Variants in LUZP2 observed in about 807,000 individuals in gnomAD.
LUZP2 encodes the protein leucine zipper protein 2.
In LUZP2, 52 loss-of-function variants were observed where a neutral mutation model predicts 51.6. The ratio of observed to expected loss-of-function variants is 1.01; its 90% CI spans 0.81 to 1.27. LUZP2 has a LOEUF of 1.27. Among genes scored for constraint, LUZP2 ranks in the 50% most tolerant of loss-of-function variants. The pLI is 0.00. For synonymous variants in LUZP2, 154 were observed against 137.3 expected (o/e 1.12, Z -0.85); for missense variants, 436 against 395.4 (o/e 1.10, Z -0.87).
intron 7 of LUZP2, among the ~76,000 whole-genome samples, chr11:24,942,346 G>A (rs1411654086): frequency 6.6e-6 from 1 of 152,092 alleles, no homozygotes; most frequent in Non-Finnish European, 1.5e-5. Flanking sequence ...AAATCCACAT[G>A]TCCTGCTTTC....
At chr11:25,042,360 A>T (rs2134008266) in intron 9 of LUZP2, among the ~76,000 whole-genome samples, 1 of 152,296 alleles carries the variant, frequency 6.6e-6, no homozygotes, top group Non-Finnish European at 1.5e-5. Context: ...AACGTTTAAC[A>T]TGAATTTTGA....
At chr11:24,695,995 C>T (rs564721487) in intron 1 of LUZP2, among the ~76,000 whole-genome samples, 2 of 151,912 alleles carry the variant, frequency 1.3e-5, no homozygotes, top group East Asian at 1.9e-4. Context: ...TACTTGGGAT[C>T]GGTATATGTG....
At chr11:25,030,986 C>CTATATAATATATAT (rs1857659417) in intron 9 of LUZP2, among the ~76,000 whole-genome samples, 2 of 9,290 alleles carry the variant, frequency 2.2e-4, no homozygotes, top group Non-Finnish European at 2.9e-4. Context: ...ATATATAATA[C>CTATATAATATATAT]AATATATATT....
At chr11:24,785,294 A>G (rs766930789) in intron 5 of LUZP2, among the ~76,000 whole-genome samples, 1 of 152,046 alleles carries the variant, frequency 6.6e-6, no homozygotes, top group Non-Finnish European at 1.5e-5. Flanking sequence ...TAAGTTCTTC[A>G]GAGGAAAAAG....
At chr11:24,964,072 A>G (rs1218003233) in intron 7 of LUZP2, among the ~76,000 whole-genome samples, 2 of 152,206 alleles carry the variant, frequency 1.3e-5, no homozygotes, top group Admixed American at 1.3e-4. Context: ...CAGTGTTTTG[A>G]GAAACCTCCA....
At chr11:24,583,459 G>A (rs1852945937) in intron 1 of LUZP2, among the ~76,000 whole-genome samples, 2 of 152,030 alleles carry the variant, frequency 1.3e-5, no homozygotes, top group Admixed American at 1.3e-4. Flanking sequence ...TCGCTGGGTT[G>A]TGTGAGGAAA....
At chr11:24,960,972 A>G (rs1002382860) in intron 7 of LUZP2, among the ~76,000 whole-genome samples, 1 of 152,034 alleles carries the variant, frequency 6.6e-6, no homozygotes, top group African/African-American at 2.4e-5. Context: ...GTTTCAAAGA[A>G]CATCTTTATT....
At chr11:24,860,295 C>T (rs958114637) in intron 5 of LUZP2, among the ~76,000 whole-genome samples, 1 of 152,168 alleles carries the variant, frequency 6.6e-6, no homozygotes, top group African/African-American at 2.4e-5. Context: ...AATCTGATCT[C>T]CCTGAGTCTG....
intron 1 of LUZP2, among the ~76,000 whole-genome samples, chr11:24,628,455 A>T (rs185641497): frequency 2.6e-5 from 4 of 152,172 alleles, no homozygotes; most frequent in Non-Finnish European, 4.4e-5. Flanking sequence ...AATCCTTAAG[A>T]TGCTTTTTTT....
chr11:24,764,849 A>G lies in LUZP2; in HGVS notation c.396+1541A>G, dbSNP rs571652670. Among the ~76,000 whole-genome samples, 18 of 152,202 alleles carry G rather than the reference A, an allele frequency of 1.2e-4. No individual in the cohort carries two copies. The East Asian group carries it at 2.5e-3, about 21-fold the overall frequency. ...TACCAAATAAATAAATAAACGCAAAACTATGAATTATTAATAACAAGTAAC... is the reference window on the plus strand; with the variant it reads ...TACCAAATAAATAAATAAACGCAAAGCTATGAATTATTAATAACAAGTAAC... On this transcript the variant is annotated intron_variant, in intron 5 of 11. Transcript: ENST00000336930.
chr11:24,797,636 A>G (rs1445629770), intron 5 of LUZP2, among the ~76,000 whole-genome samples: 1 of 152,172 alleles, frequency 6.6e-6, no homozygotes, highest in Non-Finnish European at 1.5e-5. Context: ...ATGCTACTGT[A>G]GTAGAAATGC....
In LUZP2 at chr11:24,926,256, T is replaced by TGTGTGTATATATGTAC. The variant is rs1565118616; in HGVS notation, c.522+11730_522+11731insGTACGTGTGTATATAT. Among the ~76,000 whole-genome samples the TGTGTGTATATATGTAC allele has an allele frequency of 4.4e-4, 62 of 139,800 alleles. 3 individuals carry two copies. Among genetic ancestry groups the TGTGTGTATATATGTAC allele is most frequent in the Non-Finnish European group, 6.8e-4 (44 of 65,096 alleles). The allele number at this position is 139,800 out of a possible 152,430, so 91.7% of individuals were successfully genotyped here. A position where few individuals can be genotyped will look rare whatever the true frequency, so the allele number is the denominator to read the frequency against. ...ATATATGTGTGTGTATATATATACG[T>TGTGTGTATATATGTAC]GTGTGTATATATATACGTGTATATA... On this transcript the variant is annotated intron_variant, in intron 7 of 11. Transcript: ENST00000336930.
chr11:25,073,259 CT>C, intron 10 of LUZP2, among the ~76,000 whole-genome samples: 1 of 152,268 alleles, frequency 6.6e-6, no homozygotes, highest in South Asian at 2.1e-4. Context: ...GCCTAGACAG[CT>C]GTAGTTCAGG....
At chr11:24,668,048 G>A (rs760901096) in intron 1 of LUZP2, among the ~76,000 whole-genome samples, 3 of 152,176 alleles carry the variant, frequency 2.0e-5, no homozygotes, top group Non-Finnish European at 4.4e-5. Context: ...AAAGACTATA[G>A]CAGACTGGAA....
chr11:25,066,970 T>C (rs1223315434), intron 10 of LUZP2, among the ~76,000 whole-genome samples: 2 of 151,940 alleles, frequency 1.3e-5, no homozygotes, highest in African/African-American at 4.8e-5. Flanking sequence ...AACCTACATA[T>C]GGCAATTAAA....
chr11:24,980,260 A>G (rs768791954), intron 8 of LUZP2, among the ~76,000 whole-genome samples: 14 of 141,972 alleles, frequency 9.9e-5, no homozygotes, highest in Non-Finnish European at 1.7e-4. Context: ...TGCAAGGTAT[A>G]TCTTGTTGTC....
At chr11:24,806,221 T>C (rs1849852413) in intron 5 of LUZP2, among the ~76,000 whole-genome samples, 2 of 152,228 alleles carry the variant, frequency 1.3e-5, no homozygotes, top group South Asian at 4.1e-4. Context: ...CATACAGTGA[T>C]GCTCTGAAGT....
chr11:24,544,238 T>C (rs1590162298), intron 1 of LUZP2, among the ~76,000 whole-genome samples: 1 of 152,060 alleles, frequency 6.6e-6, no homozygotes, highest in African/African-American at 2.4e-5. Context: ...CCAGTTTGCG[T>C]CATCCTGATT....
intron 10 of LUZP2, among the ~76,000 whole-genome samples, chr11:25,075,055 G>T (rs1267258833): frequency 6.6e-6 from 1 of 152,008 alleles, no homozygotes; most frequent in Admixed American, 6.6e-5. Context: ...TTTTCGAAGG[G>T]TAAATGCAAG....
Sources: allele counts gnomAD v4.1 joint callset (sites outside exome capture counted in the v4.1 genomes callset), GRCh38; gene constraint gnomAD v4.1.1; transcripts MANE v1.5; gene names NCBI Gene and HGNC (gene_info 2026-07-23, HGNC 2026-07-21).